Variants in DCTN2 observed in about 807,000 individuals in gnomAD.
DCTN2 encodes dynactin subunit 2.
Under a neutral mutation model 55.4 loss-of-function variants are expected in DCTN2, and 18 were observed. That is an observed-to-expected ratio of 0.32 (90% CI 0.22 to 0.48). DCTN2 has a LOEUF of 0.48. DCTN2 is among the 20% of genes least tolerant of loss of function. The pLI is 0.99. For synonymous variants in DCTN2, 168 were observed against 185.2 expected, an observed-to-expected ratio of 0.91 and a Z score of 0.76; for missense variants, 390 against 491.0, an observed-to-expected ratio of 0.79 and a Z score of 1.94.
Position 57,535,136 on chromosome 12 carries a change from C to T in DCTN2, c.283G>A (p.Val95Met). 1 of 1,613,728 alleles carries T rather than the reference C, an allele frequency of 6.2e-7. No individual in the cohort carries two copies. The highest frequency in any genetic ancestry group is 8.5e-7 in the Non-Finnish European group (1 of 1,179,752). Residue 95 changes from valine (V) to methionine (M), a missense_variant, in exon 5 of 14, where the codon GTG becomes ATG. Physicochemically the swap from Val to Met is conservative, Grantham distance 21. This residue lies in a region of DCTN2 where 117 missense variants were observed against 187.8 expected (regional missense o/e 0.62). Transcript: ENST00000548249. ...TACTTTTGCTGGGGTGTCTCCTTCA[C>T]TCCCAGACCCTCTCCAAGCTAGAGA... Reference protein sequence around the residue: ...EYEMLGEGLGVKETPQQKYQR... With the variant: ...EYEMLGEGLGMKETPQQKYQR...
At position 57,532,497 on chromosome 12, in the gene DCTN2, T is replaced by A; in HGVS notation, c.924+75A>T. 2.6e-6 allele frequency: 4 copies of A among 1,509,676 alleles called. No homozygotes were observed. The South Asian group carries it at 4.5e-5, about 17-fold the overall frequency. 93.5% of individuals were successfully genotyped at this position (1,509,676 alleles called of 1,614,324 possible). On this transcript the variant is annotated intron_variant, in intron 11 of 13. Coordinates refer to ENST00000548249, the MANE Select transcript of DCTN2 (RefSeq NM_001261413.2). ...AAGATGGGGACCTGAGGAGTCAGTG[T>A]GTTCTCATGCTTTGACACTGCCACT...
At chr12:57,540,653 C>T (rs144639989) in intron 2 of DCTN2, among the ~76,000 whole-genome samples, 158 of 152,264 alleles carry the variant, frequency 1.0e-3, no homozygotes, top group African/African-American at 3.6e-3. Context: ...TCAGGCTGTA[C>T]GCCAACACTG....
chr12:57,538,164 C>T (rs1016371547), intron 2 of DCTN2: 71 of 392,232 alleles, frequency 1.8e-4, no homozygotes, highest in Non-Finnish European at 7.3e-5. Context: ...AACACATAGA[C>T]GGTGAGTCTC....
At chr12:57,545,727 C>T (rs1037326940) in intron 2 of DCTN2, among the ~76,000 whole-genome samples, 1 of 152,152 alleles carries the variant, frequency 6.6e-6, no homozygotes, top group Admixed American at 6.5e-5. Context: ...AACCCAGGGG[C>T]CTAAGTCACT....
intron 10 of DCTN2, 21 bp from the exon 11 acceptor site, chr12:57,532,664 G>C (rs374575250): frequency 1.1e-4 from 175 of 1,613,726 alleles, no homozygotes; most frequent in Admixed American, 3.3e-4. Context: ...AGATTTTAAG[G>C]TTGATAGGGC....
At chr12:57,538,562 TAAAAG>T (rs1452515279) in intron 2 of DCTN2, 1 of 748,388 alleles carries the variant, frequency 1.3e-6, no homozygotes, top group Non-Finnish European at 2.4e-6. Context: ...TCAAAAGAGT[TAAAAG>T]GAAAGGGAGT....
intron 2 of DCTN2, among the ~76,000 whole-genome samples, chr12:57,540,402 T>A (rs703840): frequency 0.89 from 135,031 of 152,202 alleles, 62,066 homozygotes; most frequent in East Asian, 1. Context: ...GGGTTGAAGG[T>A]TGATGAGATT....
In DCTN2 at chr12:57,533,300, C is replaced by T. The variant is rs200168725; in HGVS notation, c.673G>A (p.Ala225Thr). ...TCTGTCAGGCGCTTTTCAAGTTCTG[C>T]GACCTAGTGGGAGGAAGGAGGTGAG... is the stretch of plus-strand genomic sequence containing the variant. ...QDKFSQAAKV[A>T]ELEKRLTELE... The change falls in exon 8 of 14, where the codon GCA becomes ACA. Residue 225 changes from alanine (A) to threonine (T), a missense_variant. Ala to Thr is a moderately conservative substitution (Grantham distance 58, BLOSUM62 0). This residue lies in a region of DCTN2 where 273 missense variants were observed against 303.2 expected (regional missense o/e 0.90). Transcript: ENST00000548249. The T allele has an allele frequency of 2.6e-4, 412 of 1,613,874 alleles. 3 individuals carry two copies. Among genetic ancestry groups the T allele is most frequent in the South Asian group, 9.9e-4 (90 of 91,082 alleles).
chr12:57,536,016 T>G, intron 2 of DCTN2, 171 bp from the exon 3 acceptor site: 1 of 600,988 alleles, frequency 1.7e-6, no homozygotes, highest in South Asian at 2.1e-5. Context: ...AAACTGAAGC[T>G]TCCTGGTAAA....
chr12:57,533,890 C>G, intron 7 of DCTN2, 63 bp downstream of exon 7: 5 of 1,503,482 alleles, frequency 3.3e-6, no homozygotes, highest in Non-Finnish European at 4.5e-6. Context: ...TGGAGAGAGG[C>G]AGGAAAATCT....
At position 57,532,703 on chromosome 12, in the gene DCTN2, C is replaced by T. The variant is rs202123398; in HGVS notation, c.852+30G>A. The T allele has an allele frequency of 1.1e-4, 174 of 1,613,826 alleles. No individual in the cohort carries two copies. In the African/African-American group the frequency reaches 2.1e-3, roughly 20 times the overall value. On this transcript the variant is annotated intron_variant, in intron 10 of 13. Coordinates refer to ENST00000548249, the MANE Select transcript of DCTN2 (RefSeq NM_001261413.2). ...CAGGGCTTCCAGAGTCCCAAGCTAT[C>T]CATAATTTAATTTTCCCTCCATTTA... is the stretch of plus-strand genomic sequence containing the variant.
At chr12:57,531,377 T>C (rs115881463) in intron 13 of DCTN2, among the ~76,000 whole-genome samples, 2,823 of 150,138 alleles carry the variant, frequency 0.019, 94 homozygotes, top group African/African-American at 0.066. Context: ...AAAAATTAGG[T>C]GTGGTGGTGC....
chr12:57,532,664 G>A lies in DCTN2; in HGVS notation c.853-21C>T, dbSNP rs374575250. The A allele has an allele frequency of 5.6e-6, 9 of 1,613,726 alleles. No individual in the cohort carries two copies. In the African/African-American group the frequency reaches 9.3e-5, roughly 17 times the overall value. On this transcript the variant is annotated intron_variant, in intron 10 of 13. Coordinates refer to ENST00000548249, the MANE Select transcript of DCTN2 (RefSeq NM_001261413.2). ...ACACTCTGAAAACACAGATTTTAAG[G>A]TTGATAGGGCATCCAGGGCTTCCAG...
chr12:57,546,177 T>C lies in DCTN2; in HGVS notation c.37-81A>G, dbSNP rs543013533. 43 of 1,357,344 alleles carry C rather than the reference T, an allele frequency of 3.2e-5. No homozygotes were observed. The South Asian group carries it at 4.4e-4, about 14-fold the overall frequency. The allele number at this position is 1,357,344 out of a possible 1,614,324, so 84.1% of individuals were successfully genotyped here. On this transcript the variant is annotated intron_variant, in intron 1 of 13. Coordinates refer to ENST00000548249, the MANE Select transcript of DCTN2 (RefSeq NM_001261413.2). ...CTTCCCCCACTCCATTTGAATAAGC[T>C]AACAGAGAAGGCGGGGTGTGATGTC...
At chr12:57,532,152 G>C in intron 12 of DCTN2, 46 bp from the exon 13 acceptor site, 1 of 1,552,494 alleles carries the variant, frequency 6.4e-7, no homozygotes, top group Non-Finnish European at 8.7e-7. Context: ...AGATAAGGGA[G>C]GGGACCAAAA....
At chr12:57,531,810 T>G (rs546789071) in intron 13 of DCTN2, among the ~76,000 whole-genome samples, 1 of 152,196 alleles carries the variant, frequency 6.6e-6, no homozygotes, top group Non-Finnish European at 1.5e-5. Flanking sequence ...GAGGGAGGTA[T>G]AATTTCCCAG....
At chr12:57,531,248 G>T (rs1035604331) in intron 13 of DCTN2, among the ~76,000 whole-genome samples, 15 of 152,172 alleles carry the variant, frequency 9.9e-5, no homozygotes, top group Admixed American at 8.5e-4. Context: ...GCGGCCAGGT[G>T]CAGTGGCTCA....
At chr12:57,532,923 G>A in intron 9 of DCTN2, 61 bp downstream of exon 9, 5 of 1,594,412 alleles carry the variant, frequency 3.1e-6, no homozygotes, top group Non-Finnish European at 4.3e-6. Flanking sequence ...AATCCTCAAA[G>A]CAAACCCAAA....
intron 2 of DCTN2, chr12:57,543,994 A>G: frequency 2.3e-6 from 1 of 444,092 alleles, no homozygotes; most frequent in Non-Finnish European, 4.5e-6. Context: ...GAGATATCCC[A>G]GTATCTTCAA....
Sources: gnomAD v4.1 joint callset for allele counts (sites outside exome capture counted in the v4.1 genomes callset) on GRCh38, gnomAD v4.1.1 for gene constraint, gnomAD v4.1.1 regional missense constraint, MANE v1.5 for transcripts, NCBI Gene and HGNC (gene_info 2026-07-23, HGNC 2026-07-21) for gene names.